Variants in GBA2 observed in about 807,000 individuals in gnomAD.
The protein encoded by GBA2 is glucosylceramidase beta 2.
Under a neutral mutation model 112.9 loss-of-function variants are expected in GBA2, and 79 were observed. That is an observed-to-expected ratio of 0.70 (90% confidence interval 0.58 to 0.84). The LOEUF (loss-of-function observed/expected upper bound fraction) is 0.84. Ranked by LOEUF, GBA2 falls within the 40% of genes least tolerant of loss-of-function variation. The probability of loss-of-function intolerance (pLI) is 0.00; values close to 1 mark genes in which losing one functional copy is unlikely to be tolerated. For missense variants in GBA2, 1,043 were observed against 1,190.0 expected, an observed-to-expected ratio of 0.88 and a Z score of 1.82; for synonymous variants, 403 against 434.3, an observed-to-expected ratio of 0.93 and a Z score of 0.90.
rs1395894323 is a variant in GBA2, at chr9:35,740,978, C to T, written c.873G>A (p.Met291Ile). ...CGTCTCCACCACCCAGTCCATTCCG[C>T]ATGGAGAACATGATGGACACATCTA... is the stretch of plus-strand genomic sequence containing the variant. ...EALDVSIMFS[M>I]RNGLGGGDDA... is the part of the protein sequence containing the mutation. Residue 291 changes from methionine (M) to isoleucine (I), a missense_variant, in exon 5 of 17, where the codon ATG becomes ATA. Coordinates refer to ENST00000378103, the MANE Select transcript of GBA2 (RefSeq NM_020944.3). This position sits in a 1 kb window ranked among gnomAD's most constrained non-coding sequence, Gnocchi z 4.7. The T allele has an allele frequency of 4.3e-6, 7 of 1,614,050 alleles. No individual in the cohort carries two copies. The highest frequency in any genetic ancestry group is 5.9e-6 in the Non-Finnish European group (7 of 1,179,914).
chr9:35,740,617 C>A lies in GBA2; in HGVS notation c.1038G>T (p.Thr346=), dbSNP rs760958007. The A allele has an allele frequency of 2.5e-6, 4 of 1,613,358 alleles. No homozygotes were observed. Among genetic ancestry groups the A allele is most frequent in the South Asian group, 2.2e-5 (2 of 91,068 alleles). ...GGTCAAAGGCTGTGATGTGGGTTAC[C>A]GTGGTAGCTGCCTGTGAAGGGGTCA... ...AVAARVTAAT[T]VTHITAFDPD... is the part of the protein sequence containing the mutation. Residue 346 remains threonine, a synonymous_variant, in exon 6 of 17, where the codon ACG becomes ACT. Transcript: ENST00000378103. The surrounding 1 kb of genome is among the most constrained non-coding windows in gnomAD (Gnocchi z 4.7).
chr9:35,740,904 C>T lies in GBA2; in HGVS notation c.947G>A (p.Gly316Glu). 1 of 1,613,942 alleles carries T rather than the reference C, an allele frequency of 6.2e-7. No individual in the cohort carries two copies. Among genetic ancestry groups the T allele is most frequent in the Non-Finnish European group, 8.5e-7 (1 of 1,179,922 alleles). The change falls in exon 5 of 17, where the codon GGG becomes GAG. Residue 316 changes from glycine to glutamate, a missense_variant. Gly to Glu is a moderately conservative substitution (Grantham distance 98, BLOSUM62 -2). Transcript: ENST00000378103. The surrounding 1 kb of genome is among the most constrained non-coding windows in gnomAD (Gnocchi z 4.7). ...CAGGAGCAGCCCCCGGACAGTTTCC[C>T]CGCTACGCTCCAGACAGAAGGGCTC... Reference protein sequence around the residue: ...WNEPFCLERSGETVRGLLLHH... With the variant: ...WNEPFCLERSEETVRGLLLHH...
Position 35,748,273 on chromosome 9 carries a change from C to T in GBA2, c.359+73G>A, listed in dbSNP as rs1324453995. 2.3e-5 allele frequency: 21 copies of T among 931,452 alleles called. No homozygotes were observed. The East Asian group carries it at 4.8e-4, about 21-fold the overall frequency. 57.7% of individuals were successfully genotyped at this position (931,452 alleles called of 1,614,324 possible). A position where few individuals can be genotyped will look rare whatever the true frequency, so the allele number is the denominator to read the frequency against. The stretch of plus-strand genomic sequence containing the variant: ...AAGCCCAACTGCTTTCTTGCCCTTT[C>T]CCACCTCTGCTAGAAGTTTTGAGCT... On this transcript the variant is annotated intron_variant, in intron 1 of 16. Transcript: ENST00000378103.
rs567502691 is a variant in GBA2, at chr9:35,739,679, A to G, written c.1531T>C (p.Cys511Arg). 2 of 1,614,108 alleles carry G rather than the reference A, an allele frequency of 1.2e-6. No homozygotes were observed. Among genetic ancestry groups the G allele is most frequent in the East Asian group, 2.2e-5 (1 of 44,874 alleles). Reference sequence around the variant, plus strand: ...TCCCGTAGGGTGGGGCGGAGGTGACACATGTTTCTGCCCAGCTCCTCTGGT... The same window carrying G: ...TCCCGTAGGGTGGGGCGGAGGTGACGCATGTTTCTGCCCAGCTCCTCTGGT... Reference protein sequence around the residue: ...SLPEELGRNMCHLRPTLRDYG... With the variant: ...SLPEELGRNMRHLRPTLRDYG... The change falls in exon 9 of 17, where the codon TGT (cysteine) becomes CGT (arginine). Residue 511 changes from cysteine to arginine, a missense_variant. Coordinates refer to ENST00000378103, the MANE Select transcript of GBA2 (RefSeq NM_020944.3).
chr9:35,741,559 A>G lies in GBA2; in HGVS notation c.786+113T>C, dbSNP rs940379506. On this transcript the variant is annotated intron_variant, in intron 4 of 16. Transcript: ENST00000378103. This position sits in a 1 kb window ranked among gnomAD's most constrained non-coding sequence, Gnocchi z 4.6. The stretch of plus-strand genomic sequence containing the variant: ...ATGATCCGCCTGCCTTGGCCTCCCA[A>G]AGTGTTGGGATTACAGGCGTGAGCT... 1 of 776,214 alleles carries G rather than the reference A, an allele frequency of 1.3e-6. No homozygotes were observed. Among genetic ancestry groups the G allele is most frequent in the Non-Finnish European group, 2.3e-6 (1 of 427,914 alleles). 48.1% of individuals were successfully genotyped at this position (776,214 alleles called of 1,614,324 possible).
In GBA2 at chr9:35,741,325, C is replaced by CT. The variant is rs1042549418; in HGVS notation, c.787-262dup. Reference sequence around the variant, plus strand: ...CTCCCTTTCACAGGCCATGCAGTTTCTTTTTTTTTTTTTTTGGGGGGTGCG... The same window carrying CT: ...CTCCCTTTCACAGGCCATGCAGTTTCTTTTTTTTTTTTTTTTGGGGGGTGCG... On this transcript the variant is annotated intron_variant, in intron 4 of 16. Transcript: ENST00000378103. The surrounding 1 kb of genome is among the most constrained non-coding windows in gnomAD (Gnocchi z 4.6). 0.082 allele frequency: 33,409 copies of CT among 406,416 alleles called. 5 individuals carry two copies. Among genetic ancestry groups the CT allele is most frequent in the South Asian group, 0.11 (3,369 of 29,640 alleles). 25.2% of individuals were successfully genotyped at this position (406,416 alleles called of 1,614,324 possible).
In GBA2 at chr9:35,737,538, C is replaced by T. The variant is rs1208248971; in HGVS notation, c.2506-91G>A. ...TAGATGGAGGCAGTAGAGTCTTTGC[C>T]TTCAAGGAGCTCCCAGCAAGTGGAG... On this transcript the variant is annotated intron_variant, in intron 16 of 16. Transcript: ENST00000378103. The surrounding 1 kb of genome is among the most constrained non-coding windows in gnomAD (Gnocchi z 4.1). 1.3e-6 allele frequency: 2 copies of T among 1,561,204 alleles called. No individual in the cohort carries two copies. The highest frequency in any genetic ancestry group is 1.9e-5 in the Admixed American group (1 of 51,782).
At chr9:35,738,008 C>T (rs1411431783) in intron 15 of GBA2, 29 bp downstream of exon 15, 2 of 1,593,182 alleles carry the variant, frequency 1.3e-6, no homozygotes, top group Admixed American at 3.5e-5. Flanking sequence ...ACCCATTTTT[C>T]TCTCTGGCTG....
Position 35,746,711 on chromosome 9 carries a change from G to A in GBA2, c.359+1635C>T, listed in dbSNP as rs1003424714. On this transcript the variant is annotated intron_variant, in intron 1 of 16. Coordinates refer to ENST00000378103, the MANE Select transcript of GBA2 (RefSeq NM_020944.3). The surrounding 1 kb of genome is among the most constrained non-coding windows in gnomAD (Gnocchi z 5.2). ...CCTCTCTGCCAGCTTAGAGAAAACC[G>A]GACTTTGAAACTAGAGACCAGAAAG... is the stretch of plus-strand genomic sequence containing the variant. Among the ~76,000 whole-genome samples, 4 of 152,202 alleles carry A rather than the reference G, an allele frequency of 2.6e-5. No homozygotes were observed. The highest frequency in any genetic ancestry group is 2.0e-4 in the Admixed American group (3 of 15,280).
rs202051129 is a variant in GBA2 at position 35,744,316 on chromosome 9, C to T, written c.548G>A (p.Arg183Gln). 7.2e-5 allele frequency: 115 copies of T among 1,607,472 alleles called. No homozygotes were observed. Among genetic ancestry groups the T allele is most frequent in the South Asian group, 3.1e-4 (28 of 90,940 alleles). ...WQLNPGMYQH[R>Q]TVIADQFTVC... ...TCTTACTTGGTCAGCGATGACTGTC[C>T]GGTGCTGATACATTCCAGGGTTAAG... is the stretch of plus-strand genomic sequence containing the variant. The change falls in exon 3 of 17, where the codon CGG becomes CAG. Residue 183 changes from arginine to glutamine, a missense_variant. Transcript: ENST00000378103.
At position 35,741,618 on chromosome 9, in the gene GBA2, A is replaced by G; in HGVS notation, c.786+54T>C. On this transcript the variant is annotated intron_variant, in intron 4 of 16. Coordinates refer to ENST00000378103, the MANE Select transcript of GBA2 (RefSeq NM_020944.3). The surrounding 1 kb of genome is among the most constrained non-coding windows in gnomAD (Gnocchi z 4.6). Reference sequence around the variant, plus strand: ...TCGCAGGCCATGCAGTTTCTAGCAGAGGCAGGTCCTGGGGAAGGGAGGGCA... The same window carrying G: ...TCGCAGGCCATGCAGTTTCTAGCAGGGGCAGGTCCTGGGGAAGGGAGGGCA... 8.4e-7 allele frequency: 1 copy of G among 1,191,172 alleles called. No homozygotes were observed. Among genetic ancestry groups the G allele is most frequent in the Non-Finnish European group, 1.3e-6 (1 of 794,272 alleles). 73.8% of individuals were successfully genotyped at this position (1,191,172 alleles called of 1,614,324 possible). A position where few individuals can be genotyped will look rare whatever the true frequency, so the allele number is the denominator to read the frequency against.
intron 1 of GBA2, among the ~76,000 whole-genome samples, chr9:35,747,148 C>T (rs570144965): frequency 6.6e-6 from 1 of 152,164 alleles, no homozygotes; most frequent in African/African-American, 2.4e-5. Context: ...CAGTACCCCC[C>T]ACTCTATCCT....
chr9:35,738,795 G>GT lies in GBA2; in HGVS notation c.1903dup (p.Thr635AsnfsTer3). The stretch of plus-strand genomic sequence containing the variant: ...GTCCTTCAGGAAGTTTTGATCACCC[G>GT]TGAGGTAATAGTCCCGATAAACCTG... On this transcript the variant is annotated frameshift_variant, in exon 12 of 17. Transcript: ENST00000378103. LOFTEE classifies it high-confidence loss of function. The GT allele has an allele frequency of 6.2e-7, 1 of 1,614,138 alleles. No individual in the cohort carries two copies. The highest frequency in any genetic ancestry group is 8.5e-7 in the Non-Finnish European group (1 of 1,179,966).
chr9:35,741,974 C>T lies in GBA2; in HGVS notation c.568-84G>A, dbSNP rs1588018499. 1.2e-6 allele frequency: 1 copy of T among 857,776 alleles called. No homozygotes were observed. The highest frequency in any genetic ancestry group is 2.6e-5 in the East Asian group (1 of 38,080). 53.1% of individuals were successfully genotyped at this position (857,776 alleles called of 1,614,324 possible). ...CCCTCTCCTCAAATCAGCTCCTCCCCTTTCAGAGCCTGCAACTGTTACCAC... is the reference window on the plus strand; with the variant it reads ...CCCTCTCCTCAAATCAGCTCCTCCCTTTTCAGAGCCTGCAACTGTTACCAC... On this transcript the variant is annotated intron_variant, in intron 3 of 16. Coordinates refer to ENST00000378103, the MANE Select transcript of GBA2 (RefSeq NM_020944.3). This position sits in a 1 kb window ranked among gnomAD's most constrained non-coding sequence, Gnocchi z 4.6.
intron 3 of GBA2, among the ~76,000 whole-genome samples, chr9:35,743,081 T>C (rs1826790469): frequency 6.6e-6 from 1 of 152,222 alleles, no homozygotes; most frequent in Admixed American, 6.5e-5. Context: ...TATTTGCAAA[T>C]ACTATAAGCC....
chr9:35,748,484 C>A lies in GBA2; in HGVS notation c.221G>T (p.Gly74Val). 1 of 1,614,174 alleles carries A rather than the reference C, an allele frequency of 6.2e-7. No homozygotes were observed. Reference protein sequence around the residue: ...DSGQLMVSYEGKAMGYQVPPF... With the variant: ...DSGQLMVSYEVKAMGYQVPPF... ...AGGCACCTGGTAGCCCATAGCTTTA[C>A]CCTCATAGGAAACCATCAGCTGCCC... The change falls in exon 1 of 17, where the codon GGT becomes GTT. Residue 74 changes from glycine to valine, a missense_variant. Physicochemically the swap from Gly to Val is moderately radical, Grantham distance 109. Transcript: ENST00000378103.
intron 9 of GBA2, 33 bp downstream of exon 9, chr9:35,739,595 C>T: frequency 6.3e-7 from 1 of 1,593,474 alleles, no homozygotes; most frequent in East Asian, 2.2e-5. Flanking sequence ...TTGGGGATGG[C>T]CTGCCATATC....
Position 35,740,704 on chromosome 9 carries a change from ACTTACT to A in GBA2, c.1027-82_1027-77del. Reference sequence around the variant, plus strand: ...CCCGGCTAGCTCCCCAGCTCCTCTTACTTACTCTTAACCTCCCAGGCCCAGGGGCTT... The same window carrying A: ...CCCGGCTAGCTCCCCAGCTCCTCTTACTTAACCTCCCAGGCCCAGGGGCTT... On this transcript the variant is annotated intron_variant, in intron 5 of 16. Coordinates refer to ENST00000378103, the MANE Select transcript of GBA2 (RefSeq NM_020944.3). This position sits in a 1 kb window ranked among gnomAD's most constrained non-coding sequence, Gnocchi z 4.7. The A allele has an allele frequency of 4.6e-6, 7 of 1,521,792 alleles. No homozygotes were observed. The Middle Eastern group carries it at 5.2e-4, about 112-fold the overall frequency. 94.3% of individuals were successfully genotyped at this position (1,521,792 alleles called of 1,614,324 possible). A position where few individuals can be genotyped will look rare whatever the true frequency, so the allele number is the denominator to read the frequency against.
rs1249580904 is a variant in GBA2 at position 35,738,600 on chromosome 9, C to T, written c.1980G>A (p.Lys660=). ...CATTTTCAATGAGTCCATCATGGTC[C>T]TTGTCAAACTTCATTTCAGATTCCA... The part of the protein sequence containing the change: ...AVMESEMKFD[K]DHDGLIENGG... The change falls in exon 13 of 17, where the codon AAG becomes AAA. Residue 660 remains lysine, a synonymous_variant. Coordinates refer to ENST00000378103, the MANE Select transcript of GBA2 (RefSeq NM_020944.3). The T allele has an allele frequency of 1.7e-5, 28 of 1,613,728 alleles. No individual in the cohort carries two copies. The highest frequency in any genetic ancestry group is 2.4e-5 in the Non-Finnish European group (28 of 1,179,724).
Sources: gnomAD v4.1 joint callset for allele counts (sites outside exome capture counted in the v4.1 genomes callset) on GRCh38, gnomAD v4.1.1 for gene constraint, Gnocchi (gnomAD v3.1) non-coding constraint, MANE v1.5 for transcripts, NCBI Gene and HGNC (gene_info 2026-07-23, HGNC 2026-07-21) for gene names.